The following TMEM161B variants were observed in gnomAD, a reference collection of about 807,000 sequenced individuals.
TMEM161B encodes the protein transmembrane protein 161B.
Under a neutral mutation model 61.8 loss-of-function variants are expected in TMEM161B, and 34 were observed. The ratio of observed to expected loss-of-function variants is 0.55; its 90% CI spans 0.42 to 0.73. The LOEUF (loss-of-function observed/expected upper bound fraction) is 0.73. Among genes scored for constraint, TMEM161B ranks in the 30% least tolerant of loss-of-function variants. The pLI, the probability that TMEM161B is intolerant of heterozygous loss-of-function variation, is 0.00. For missense variants in TMEM161B, 456 were observed against 558.5 expected (o/e 0.82, Z 1.85); for synonymous variants, 167 against 192.8 (o/e 0.87, Z 1.11).
At chr5:88,262,215 A>G (rs938052916) in intron 1 of TMEM161B, among the ~76,000 whole-genome samples, 33 of 152,206 alleles carry the variant, frequency 2.2e-4, no homozygotes, top group African/African-American at 7.7e-4. Context: ...ATAAGGAAAT[A>G]CCATTATACA....
At chr5:88,258,389 GTTAA>G (rs1160928834) in intron 1 of TMEM161B, among the ~76,000 whole-genome samples, 2 of 152,040 alleles carry the variant, frequency 1.3e-5, no homozygotes, top group African/African-American at 4.8e-5. Flanking sequence ...TTGTCCTGAT[GTTAA>G]TTAATCTCAC....
chr5:88,207,535 G>A (rs1000644665), intron 5 of TMEM161B, among the ~76,000 whole-genome samples: 8 of 152,138 alleles, frequency 5.3e-5, no homozygotes, highest in Non-Finnish European at 1.0e-4. Context: ...GGAATCCTCC[G>A]TAATAATTCA....
intron 1 of TMEM161B, among the ~76,000 whole-genome samples, chr5:88,244,505 G>T (rs1753278559): frequency 6.7e-6 from 1 of 149,942 alleles, no homozygotes; most frequent in African/African-American, 2.5e-5. Flanking sequence ...GTCTATTTTT[G>T]TACCACTACC....
intron 2 of TMEM161B, among the ~76,000 whole-genome samples, chr5:88,238,318 T>C (rs1197421780): frequency 5.3e-5 from 8 of 151,772 alleles, no homozygotes; most frequent in Non-Finnish European, 8.8e-5. Context: ...GACAGATTAA[T>C]TGACACCAAA....
intron 5 of TMEM161B, among the ~76,000 whole-genome samples, chr5:88,213,778 C>A (rs145729584): frequency 6.6e-6 from 1 of 152,222 alleles, no homozygotes; most frequent in East Asian, 1.9e-4. Context: ...ACAAAAAAAT[C>A]TCCATGTTCA....
intron 1 of TMEM161B, among the ~76,000 whole-genome samples, chr5:88,256,125 C>T (rs184712682): frequency 6.6e-6 from 1 of 152,076 alleles, no homozygotes; most frequent in African/African-American, 2.4e-5. Context: ...TAATTAAACA[C>T]AAGTCACAAA....
intron 10 of TMEM161B, chr5:88,198,650 C>G: frequency 5.4e-6 from 1 of 185,382 alleles, no homozygotes; most frequent in Non-Finnish European, 1.1e-5. Context: ...ATTTCCTACT[C>G]TTTAAGTCTT....
chr5:88,218,571 G>A (rs1455292955), intron 5 of TMEM161B, among the ~76,000 whole-genome samples: 1 of 152,148 alleles, frequency 6.6e-6, no homozygotes, highest in African/African-American at 2.4e-5. Flanking sequence ...GAACCTGGAG[G>A]CCAGGAGTTG....
chr5:88,249,327 G>C (rs1384054888), intron 1 of TMEM161B, among the ~76,000 whole-genome samples: 2 of 152,152 alleles, frequency 1.3e-5, no homozygotes, highest in Non-Finnish European at 2.9e-5. Context: ...CTGAGCTTCA[G>C]TGCTGGGCAG....
chr5:88,235,417 G>A (rs1370594466), intron 2 of TMEM161B, among the ~76,000 whole-genome samples: 2 of 152,156 alleles, frequency 1.3e-5, no homozygotes, highest in Admixed American at 1.3e-4. Context: ...TCAAATTCTT[G>A]TGTTGAAATC....
downstream of TMEM161B, among the ~76,000 whole-genome samples, chr5:88,188,365 C>G (rs1748493778): frequency 6.6e-6 from 1 of 151,748 alleles, no homozygotes; most frequent in East Asian, 1.9e-4. Flanking sequence ...ATCCACCCGT[C>G]TCAGCCTCCC....
intron 2 of TMEM161B, among the ~76,000 whole-genome samples, chr5:88,232,727 C>T (rs1489633188): frequency 1.3e-5 from 2 of 152,128 alleles, no homozygotes; most frequent in Non-Finnish European, 2.9e-5. Context: ...GCGCCCGCCA[C>T]CATGTCCGGC....
At position 88,241,574 on chromosome 5, in the gene TMEM161B, T is replaced by C. The variant is rs144924826; in HGVS notation, c.4-658A>G. Among the ~76,000 whole-genome samples the C allele has an allele frequency of 5.7e-3, 871 of 151,962 alleles. 3 individuals are homozygous for C. The highest frequency in any genetic ancestry group is 9.1e-3 in the Non-Finnish European group (616 of 67,828). The stretch of plus-strand genomic sequence containing the variant: ...TAATATGCCTGGTTTTAATCCTAGG[T>C]GGTAGTGATCACAAACCATTAACTA... On this transcript the variant is annotated intron_variant, in intron 1 of 11. Coordinates refer to ENST00000296595, the MANE Select transcript of TMEM161B (RefSeq NM_153354.5).
At chr5:88,223,884 A>C (rs1324860886) in intron 4 of TMEM161B, among the ~76,000 whole-genome samples, 1 of 151,842 alleles carries the variant, frequency 6.6e-6, no homozygotes, top group Non-Finnish European at 1.5e-5. Context: ...GCGAGACTCC[A>C]TCTCAAAAAA....
At position 88,199,073 on chromosome 5, in the gene TMEM161B, C is replaced by T. The variant is rs778572006; in HGVS notation, c.992G>A (p.Arg331His). Reference protein sequence around the residue: ...LLCALRLAMMRSHLQAYLNLA... With the variant: ...LLCALRLAMMHSHLQAYLNLA... ...ATTTAAATAAGCTTGCAGGTGACTACGCATCATGGCCAACCGCAAAGCACA... is the reference window on the plus strand; with the variant it reads ...ATTTAAATAAGCTTGCAGGTGACTATGCATCATGGCCAACCGCAAAGCACA... Residue 331 changes from arginine to histidine, a missense_variant, in exon 10 of 12, where the codon CGT becomes CAT. By Grantham distance (29) the Arg-to-His change is conservative. Coordinates refer to ENST00000296595, the MANE Select transcript of TMEM161B (RefSeq NM_153354.5). The T allele has an allele frequency of 1.2e-5, 20 of 1,612,922 alleles. No homozygotes were observed. Among genetic ancestry groups the T allele is most frequent in the South Asian group, 4.4e-5 (4 of 91,040 alleles).
Position 88,199,165 on chromosome 5 carries a change from G to T in TMEM161B, c.915-15C>A, listed in dbSNP as rs1750240777. The T allele has an allele frequency of 1.9e-6, 3 of 1,589,178 alleles. No individual in the cohort carries two copies. Among genetic ancestry groups the T allele is most frequent in the Admixed American group, 3.6e-5 (2 of 55,804 alleles). On this transcript the variant is annotated splice_polypyrimidine_tract_variant and intron_variant, in intron 9 of 11. Coordinates refer to ENST00000296595, the MANE Select transcript of TMEM161B (RefSeq NM_153354.5). ...CTTCTGTCATTCTACAGATCAAAAA[G>T]TTGATACGGTGCTCTCAAAGACAAC...
chr5:88,217,443 A>G (rs1291101914), intron 5 of TMEM161B, among the ~76,000 whole-genome samples: 1 of 152,108 alleles, frequency 6.6e-6, no homozygotes, highest in Non-Finnish European at 1.5e-5. Context: ...TGGACAGCTG[A>G]GAAGAAATTT....
chr5:88,193,342 C>T (rs372388257), downstream of TMEM161B, among the ~76,000 whole-genome samples: 1 of 152,002 alleles, frequency 6.6e-6, no homozygotes, highest in South Asian at 2.1e-4. Context: ...TGCTTTGAAG[C>T]ATATTATATT....
intron 1 of TMEM161B, among the ~76,000 whole-genome samples, chr5:88,258,214 G>A (rs1359646071): frequency 1.3e-5 from 2 of 152,142 alleles, no homozygotes. Context: ...TGTCCCTATT[G>A]ACTAGAAAAC....
Sources: allele counts gnomAD v4.1 joint callset (sites outside exome capture counted in the v4.1 genomes callset), GRCh38; gene constraint gnomAD v4.1.1; transcripts MANE v1.5; gene names NCBI Gene and HGNC (gene_info 2026-07-23, HGNC 2026-07-21).